The following ROCK2 variants were observed in gnomAD, a reference collection of about 807,000 sequenced individuals.
ROCK2 encodes the protein Rho associated coiled-coil containing protein kinase 2, also known as rho-associated protein kinase 2.
Under a neutral mutation model 195.1 loss-of-function variants are expected in ROCK2, and 61 were observed. That is an observed-to-expected ratio of 0.31 (90% CI 0.25 to 0.39). The LOEUF is 0.39. ROCK2 is among the 10% of genes least tolerant of loss of function. The pLI, the probability that ROCK2 is intolerant of heterozygous loss-of-function variation, is 1.00. For missense variants in ROCK2, 1,109 were observed against 1,637.4 expected, an observed-to-expected ratio of 0.68 and a Z score of 5.57; for synonymous variants, 504 against 545.5, an observed-to-expected ratio of 0.92 and a Z score of 1.06.
At chr2:11,200,883 T>C (rs1663826348) in intron 23 of ROCK2, 74 bp downstream of exon 23, 1 of 1,279,586 alleles carries the variant, frequency 7.8e-7, no homozygotes. Context: ...TCTGTGATAC[T>C]TAGTATGTCT....
intron 3 of ROCK2, among the ~76,000 whole-genome samples, chr2:11,254,854 C>G (rs1045231605): frequency 1.4e-5 from 2 of 145,660 alleles, no homozygotes; most frequent in African/African-American, 5.1e-5. Flanking sequence ...ACAAACCTAA[C>G]AAAACCTAAC....
intron 1 of ROCK2, among the ~76,000 whole-genome samples, chr2:11,315,475 AAAAC>A (rs1668162571): frequency 6.6e-6 from 1 of 152,078 alleles, no homozygotes; most frequent in Non-Finnish European, 1.5e-5. Context: ...CTAGTAAAAA[AAAAC>A]AGTAAATTAT....
intron 6 of ROCK2, among the ~76,000 whole-genome samples, chr2:11,226,912 GAAAAAAAA>G (rs36080073): frequency 6.9e-5 from 7 of 100,804 alleles, no homozygotes; most frequent in Non-Finnish European, 1.2e-4. Context: ...CCCTGCCTCA[GAAAAAAAA>G]AAAAAAAAAA....
intron 4 of ROCK2, among the ~76,000 whole-genome samples, chr2:11,240,921 C>T (rs572485144): frequency 2.6e-5 from 4 of 152,228 alleles, no homozygotes; most frequent in Non-Finnish European, 2.9e-5. Context: ...ACTAGAACAA[C>T]AGAAAAGAGA....
At chr2:11,199,143 G>A (rs1004973620) in intron 23 of ROCK2, among the ~76,000 whole-genome samples, 2 of 151,504 alleles carry the variant, frequency 1.3e-5, no homozygotes, top group African/African-American at 2.4e-5. Context: ...TCGAGTGATC[G>A]CCCGCCTAGG....
chr2:11,315,795 T>C (rs555623853), intron 1 of ROCK2, among the ~76,000 whole-genome samples: 1 of 152,200 alleles, frequency 6.6e-6, no homozygotes, highest in South Asian at 2.1e-4. Context: ...AAGCCATAAG[T>C]ACATTATTAA....
At chr2:11,279,799 A>G (rs1666940654) in intron 3 of ROCK2, among the ~76,000 whole-genome samples, 1 of 152,238 alleles carries the variant, frequency 6.6e-6, no homozygotes, top group South Asian at 2.1e-4. Flanking sequence ...ACACACCGTA[A>G]CAAACTTCAA....
chr2:11,283,331 C>T (rs1317699448), intron 3 of ROCK2, among the ~76,000 whole-genome samples: 2 of 149,740 alleles, frequency 1.3e-5, no homozygotes, highest in South Asian at 4.2e-4. Context: ...GAGGCCGAGG[C>T]GGGTGGATCA....
At chr2:11,342,259 T>C (rs1669130140) in intron 1 of ROCK2, among the ~76,000 whole-genome samples, 1 of 152,180 alleles carries the variant, frequency 6.6e-6, no homozygotes, top group African/African-American at 2.4e-5. Flanking sequence ...CTCAGATCCG[T>C]AATGTGCCAC....
At chr2:11,188,523 AT>A (rs1663288267) in intron 32 of ROCK2, among the ~76,000 whole-genome samples, 1 of 152,192 alleles carries the variant, frequency 6.6e-6, no homozygotes, top group Non-Finnish European at 1.5e-5. Flanking sequence ...TGGCATTTTA[AT>A]TTTAATTCAA....
rs754622266 is a variant in ROCK2, at chr2:11,218,931, CTA to C, written c.1320+33_1320+34del. On this transcript the variant is annotated intron_variant, in intron 10 of 32. Coordinates refer to ENST00000315872, the MANE Select transcript of ROCK2 (RefSeq NM_004850.5). Reference sequence around the variant, plus strand: ...ATTACTAAAATATTTAAACATGAAACTAAAATAACTACAGCAGTAAAAATGTA... The same window carrying C: ...ATTACTAAAATATTTAAACATGAAACAAATAACTACAGCAGTAAAAATGTA... 4 of 1,221,324 alleles carry C rather than the reference CTA, an allele frequency of 3.3e-6. No individual in the cohort carries two copies. In the South Asian group the frequency reaches 6.1e-5, roughly 19 times the overall value. The allele number at this position is 1,221,324 out of a possible 1,614,324, so 75.7% of individuals were successfully genotyped here.
At chr2:11,205,991 C>T (rs1664037356) in intron 20 of ROCK2, among the ~76,000 whole-genome samples, 1 of 151,958 alleles carries the variant, frequency 6.6e-6, no homozygotes, top group African/African-American at 2.4e-5. Flanking sequence ...CACCTGTATT[C>T]CCAGCTACTT....
At position 11,227,258 on chromosome 2, in the gene ROCK2, T is replaced by C; in HGVS notation, c.864A>G (p.Leu288=). 1 of 1,611,020 alleles carries C rather than the reference T, an allele frequency of 6.2e-7. No homozygotes were observed. Among genetic ancestry groups the C allele is most frequent in the Non-Finnish European group, 8.5e-7 (1 of 1,178,216 alleles). The change falls in exon 6 of 33, where the codon CTA becomes CTG. Residue 288 remains leucine (L), a synonymous_variant. Transcript: ENST00000315872. ...WSVGVFLYEM[L]VGDTPFYADS... The stretch of plus-strand genomic sequence containing the variant: ...GAAGTTAAAATATTTACTTACCCAC[T>C]AGCATCTCATAAAGGAAAACACCTA...
At chr2:11,327,285 A>T (rs1002468963) in intron 1 of ROCK2, among the ~76,000 whole-genome samples, 1 of 152,246 alleles carries the variant, frequency 6.6e-6, no homozygotes, top group African/African-American at 2.4e-5. Context: ...TACAGATCTC[A>T]AAAGTTTACA....
At chr2:11,198,438 A>C in intron 25 of ROCK2, 53 bp downstream of exon 25, 5 of 1,227,742 alleles carry the variant, frequency 4.1e-6, no homozygotes, top group Non-Finnish European at 6.0e-6. Flanking sequence ...AAAATGTAAA[A>C]GAGATAAACT....
chr2:11,238,209 A>AGTGTGTGTGTGTGTGTGTGT (rs6146630), intron 4 of ROCK2, among the ~76,000 whole-genome samples: 2,415 of 135,282 alleles, frequency 0.018, 48 homozygotes, highest in East Asian at 0.028. Flanking sequence ...ATTGAGAAAG[A>AGTGTGTGTGTGTGTGTGTGT]GTGTGTGTGT....
At chr2:11,291,199 T>C (rs1667352363) in intron 1 of ROCK2, among the ~76,000 whole-genome samples, 1 of 152,238 alleles carries the variant, frequency 6.6e-6, no homozygotes. Flanking sequence ...ACTTCAGTTG[T>C]CAAGAAATGA....
At chr2:11,247,328 A>C (rs373120009) in intron 4 of ROCK2, among the ~76,000 whole-genome samples, 13 of 152,352 alleles carry the variant, frequency 8.5e-5, no homozygotes, top group Admixed American at 7.2e-4. Context: ...AAATCATTGA[A>C]TAAAACAATA....
intron 3 of ROCK2, among the ~76,000 whole-genome samples, chr2:11,273,417 A>G (rs954674809): frequency 1.5e-4 from 23 of 152,194 alleles, no homozygotes; most frequent in African/African-American, 5.3e-4. Flanking sequence ...AAAAAACATT[A>G]TATCTTAATA....
Sources: allele counts gnomAD v4.1 joint callset (sites outside exome capture counted in the v4.1 genomes callset), GRCh38; gene constraint gnomAD v4.1.1; transcripts MANE v1.5; gene names NCBI Gene and HGNC (gene_info 2026-07-23, HGNC 2026-07-21).